PALM3: variants seen among roughly 807,000 people sequenced by gnomAD.
The protein encoded by PALM3 is paralemmin 3.
PALM3 carries 20 observed loss-of-function variants against 27.9 expected under a neutral mutation model. The observed-to-expected ratio is 0.72, with a 90% CI of 0.50 to 1.04. The LOEUF is 1.04. PALM3 is among the 50% of genes least tolerant of loss of function. The pLI, the probability that PALM3 is intolerant of heterozygous loss-of-function variation, is 0.00. For missense variants in PALM3, 814 were observed against 869.4 expected, an observed-to-expected ratio of 0.94 and a Z score of 0.80; for synonymous variants, 328 against 352.7, an observed-to-expected ratio of 0.93 and a Z score of 0.79.
In PALM3 at chr19:14,054,723, T is replaced by C; in HGVS notation, c.949A>G (p.Ser317Gly). The C allele has an allele frequency of 6.4e-7, 1 of 1,551,774 alleles. No homozygotes were observed. The highest frequency in any genetic ancestry group is 8.7e-7 in the Non-Finnish European group (1 of 1,147,038). The change falls in exon 7 of 7, where the codon AGC (serine) becomes GGC (glycine). Residue 317 changes from serine (S) to glycine (G), a missense_variant. Transcript: ENST00000669674. ...AATCTCTCCTGGAGCCTAGGCGAGC[T>C]AGTCTGCACGACCTCAGGGACCCTG... is the stretch of plus-strand genomic sequence containing the variant. ...IGRVPEVVQT[S>G]SPRLQERLEA... is the part of the protein sequence containing the mutation.
chr19:14,061,878 A>T, intron 1 of PALM3, 62 bp downstream of exon 1: 1 of 946,624 alleles, frequency 1.1e-6, no homozygotes, highest in Non-Finnish European at 1.3e-6. Flanking sequence ...CAAGGCCAGC[A>T]TCCCCCATGA....
At chr19:14,060,091 C>T (rs533241812) in intron 1 of PALM3, among the ~76,000 whole-genome samples, 7 of 151,944 alleles carry the variant, frequency 4.6e-5, no homozygotes, top group Non-Finnish European at 8.8e-5. Flanking sequence ...ATGTTGACCA[C>T]GTGTCACAGG....
chr19:14,056,413 C>A lies in PALM3; in HGVS notation c.399+16G>T. 6.5e-7 allele frequency: 1 copy of A among 1,544,024 alleles called. No homozygotes were observed. The highest frequency in any genetic ancestry group is 1.2e-5 in the South Asian group (1 of 83,844). ...GGCCATGCCCTCCCATCCCACTCCC[C>A]TGATTCCCCCCTCACCTGTCTGCGC... On this transcript the variant is annotated intron_variant, in intron 5 of 6. Transcript: ENST00000669674.
rs781649042 is a variant in PALM3, at chr19:14,053,489, T to C, written c.*116A>G. On this transcript the variant is annotated 3_prime_UTR_variant, in exon 7 of 7. Coordinates refer to ENST00000669674, the MANE Select transcript of PALM3 (RefSeq NM_001145028.2). ...TAGGTGGACGTGCAGGCTAGCTGGC[T>C]CCCAGGTGCCATGGCCAGTCCTGTG... The C allele has an allele frequency of 6.9e-4, 859 of 1,246,814 alleles. No individual in the cohort carries two copies. The highest frequency in any genetic ancestry group is 8.3e-4 in the Non-Finnish European group (788 of 945,254). The allele number at this position is 1,246,814 out of a possible 1,614,324, so 77.2% of individuals were successfully genotyped here. A position where few individuals can be genotyped will look rare whatever the true frequency, so the allele number is the denominator to read the frequency against.
intron 2 of PALM3, among the ~76,000 whole-genome samples, chr19:14,057,817 G>A (rs544631365): frequency 6.6e-6 from 1 of 152,212 alleles, no homozygotes; most frequent in Admixed American, 6.5e-5. Context: ...GGGATCAAAG[G>A]GAGGGTGCGG....
At chr19:14,058,755 A>C (rs1263566113) in intron 2 of PALM3, among the ~76,000 whole-genome samples, 1 of 152,004 alleles carries the variant, frequency 6.6e-6, no homozygotes, top group Non-Finnish European at 1.5e-5. Context: ...GTCAGGGATG[A>C]AAGTTCCCAA....
chr19:14,059,021 C>G (rs1976369902), intron 2 of PALM3, 94 bp downstream of exon 2: 5 of 1,224,876 alleles, frequency 4.1e-6, no homozygotes, highest in Non-Finnish European at 4.3e-6. Context: ...GGGGCTGGAG[C>G]TGAGGGCGCT....
intron 4 of PALM3, 70 bp from the exon 5 acceptor site, chr19:14,056,583 C>A (rs892709761): frequency 3.9e-6 from 6 of 1,550,602 alleles, no homozygotes; most frequent in Non-Finnish European, 5.2e-6. Context: ...CAAGCGACCA[C>A]CTCCTTGGAA....
intron 1 of PALM3, among the ~76,000 whole-genome samples, chr19:14,059,893 G>A (rs1369241377): frequency 2.6e-5 from 4 of 152,048 alleles, no homozygotes; most frequent in African/African-American, 9.7e-5. Context: ...GGTTTAACTC[G>A]AGATTCCCCT....
At chr19:14,057,653 G>GGGGCT (rs1223832047) in intron 2 of PALM3, 1 of 207,590 alleles carries the variant, frequency 4.8e-6, no homozygotes, top group Non-Finnish European at 9.4e-6. Flanking sequence ...GGGGCGGGGC[G>GGGGCT]GGGGCGGGGC....
chr19:14,056,328 G>C, intron 5 of PALM3, 101 bp downstream of exon 5: 1 of 1,186,064 alleles, frequency 8.4e-7, no homozygotes, highest in Non-Finnish European at 1.2e-6. Flanking sequence ...AGACCTAGTG[G>C]CCAGGCTGCC....
At chr19:14,056,399 C>T in intron 5 of PALM3, 30 bp downstream of exon 5, 2 of 1,527,216 alleles carry the variant, frequency 1.3e-6, no homozygotes. Context: ...GCCATGCCCT[C>T]CCATCCCACT....
Position 14,056,673 on chromosome 19 carries a change from G to A in PALM3, c.303C>T (p.Asp101=), listed in dbSNP as rs1482915777. ...QAQARIRNLE[D]SLFTLQSQLQ... ...AGGTCTCCACTCACGTGAACAAACT[G>A]TCTTCCAGGTTCCGGATTCGGGCCT... The change falls in exon 4 of 7, where the codon GAC becomes GAT. Residue 101 remains aspartate (D), a synonymous_variant. Transcript: ENST00000669674. 1 of 1,551,646 alleles carries A rather than the reference G, an allele frequency of 6.4e-7. No individual in the cohort carries two copies. Among genetic ancestry groups the A allele is most frequent in the Non-Finnish European group, 8.7e-7 (1 of 1,147,006 alleles).
At chr19:14,056,051 G>A (rs916086069) in intron 5 of PALM3, among the ~76,000 whole-genome samples, 9 of 152,192 alleles carry the variant, frequency 5.9e-5, no homozygotes, top group African/African-American at 2.2e-4. Flanking sequence ...TGGGACTACA[G>A]GGACACACCA....
chr19:14,054,722 C>T lies in PALM3; in HGVS notation c.950G>A (p.Ser317Asn), dbSNP rs974927853. The part of the protein sequence containing the change: ...IGRVPEVVQT[S>N]SPRLQERLEA... ...TAATCTCTCCTGGAGCCTAGGCGAG[C>T]TAGTCTGCACGACCTCAGGGACCCT... The change falls in exon 7 of 7, where the codon AGC becomes AAC. Residue 317 changes from serine to asparagine, a missense_variant. Physicochemically the swap from Ser to Asn is conservative, Grantham distance 46 (BLOSUM62 1). Coordinates refer to ENST00000669674, the MANE Select transcript of PALM3 (RefSeq NM_001145028.2). 6.4e-7 allele frequency: 1 copy of T among 1,551,758 alleles called. No individual in the cohort carries two copies. The highest frequency in any genetic ancestry group is 1.4e-5 in the African/African-American group (1 of 73,176).
At chr19:14,055,274 T>C in intron 6 of PALM3, 48 bp from the exon 7 acceptor site, 1 of 1,525,082 alleles carries the variant, frequency 6.6e-7, no homozygotes, top group Non-Finnish European at 8.8e-7. Flanking sequence ...GAAGACAGGG[T>C]TAAGATGGAA....
intron 6 of PALM3, 32 bp from the exon 7 acceptor site, chr19:14,055,258 A>AAAAGGGAAGACAGGGTTAAGATGGGACG: frequency 1.3e-6 from 2 of 1,519,692 alleles, no homozygotes; most frequent in African/African-American, 1.4e-5. Flanking sequence ...GGGAGAGGAC[A>AAAAGGGAAGACAGGGTTAAGATGGGACG]AAAGGGAAGA....
At position 14,056,421 on chromosome 19, in the gene PALM3, C is replaced by A. The variant is rs1280149886; in HGVS notation, c.399+8G>T. ...CCTCCCATCCCACTCCCCTGATTCC[C>A]CCCTCACCTGTCTGCGCCAGCTGGG... is the stretch of plus-strand genomic sequence containing the variant. On this transcript the variant is annotated splice_region_variant and intron_variant, in intron 5 of 6. Transcript: ENST00000669674. The A allele has an allele frequency of 1.9e-6, 3 of 1,548,026 alleles. No homozygotes were observed. The highest frequency in any genetic ancestry group is 1.2e-5 in the South Asian group (1 of 83,968).
chr19:14,059,994 G>A lies in PALM3; in HGVS notation c.42-831C>T, dbSNP rs1056086053. On this transcript the variant is annotated intron_variant, in intron 1 of 6. Transcript: ENST00000669674. Reference sequence around the variant, plus strand: ...CTCCCGTGGAAGCTGGAGGGTGACTGTCATACTGCAGGATGATTAGGGACA... The same window carrying A: ...CTCCCGTGGAAGCTGGAGGGTGACTATCATACTGCAGGATGATTAGGGACA... Among the ~76,000 whole-genome samples the A allele has an allele frequency of 4.6e-5, 7 of 152,114 alleles. No individual in the cohort carries two copies. The South Asian group carries it at 1.4e-3, about 32-fold the overall frequency.
Sources: gnomAD v4.1 joint callset for allele counts (sites outside exome capture counted in the v4.1 genomes callset) on GRCh38, gnomAD v4.1.1 for gene constraint, MANE v1.5 for transcripts, NCBI Gene and HGNC (gene_info 2026-07-23, HGNC 2026-07-21) for gene names.